Variants in LPP observed in about 807,000 individuals in gnomAD.
The protein encoded by LPP is LIM domain containing preferred translocation partner in lipoma.
A neutral mutation model predicts 60.4 loss-of-function variants in LPP; 38 were observed. The observed-to-expected ratio is 0.63, with a 90% CI of 0.49 to 0.83. LPP has a LOEUF of 0.83. Ranked by LOEUF, LPP falls within the 40% of genes least tolerant of loss-of-function variation. The pLI is 0.00. For missense variants in LPP, 902 were observed against 783.6 expected (o/e 1.15, Z -1.80); for synonymous variants, 328 against 290.8 (o/e 1.13, Z -1.30).
intron 6 of LPP, among the ~76,000 whole-genome samples, chr3:188,580,537 G>A (rs990285032): frequency 1.3e-5 from 2 of 152,246 alleles, no homozygotes; most frequent in Admixed American, 6.5e-5. Context: ...AAAATTCACT[G>A]GTAGTGTTCT....
chr3:188,401,353 C>T (rs1054671361), intron 3 of LPP, among the ~76,000 whole-genome samples: 2 of 152,184 alleles, frequency 1.3e-5, no homozygotes, highest in African/African-American at 4.8e-5. Context: ...TGATCCCTGT[C>T]CTACAGAAAT....
intron 8 of LPP, among the ~76,000 whole-genome samples, chr3:188,752,423 A>G (rs1309394477): frequency 1.3e-5 from 2 of 152,246 alleles, no homozygotes; most frequent in Non-Finnish European, 2.9e-5. Context: ...CAAGAATTGC[A>G]TATCTGATTT....
rs112663126 is a variant in LPP at position 188,773,430 on chromosome 3, C to T, written c.1410+13148C>T. 4.6e-3 allele frequency among the ~76,000 whole-genome samples: 703 copies of T among 151,950 alleles called. 7 individuals carry two copies. Among genetic ancestry groups the T allele is most frequent in the Non-Finnish European group, 6.1e-3 (412 of 67,990 alleles). On this transcript the variant is annotated intron_variant, in intron 9 of 11. Transcript: ENST00000617246. Reference sequence around the variant, plus strand: ...ATAGTATGGGGAAATAAGACAAGAGCGAGGAATGCCTTGCTTGGGATATTG... The same window carrying T: ...ATAGTATGGGGAAATAAGACAAGAGTGAGGAATGCCTTGCTTGGGATATTG...
In LPP at chr3:188,862,726, AATAAATAAAT is replaced by A. The variant is rs1560308349; in HGVS notation, c.1411-3472_1411-3463del. Among the ~76,000 whole-genome samples the A allele has an allele frequency of 9.9e-4, 110 of 110,866 alleles. 7 individuals carry two copies. Among genetic ancestry groups the A allele is most frequent in the African/African-American group, 3.2e-3 (107 of 33,346 alleles). 72.7% of individuals were successfully genotyped at this position (110,866 alleles called of 152,430 possible). On this transcript the variant is annotated intron_variant, in intron 9 of 11. Transcript: ENST00000617246. The stretch of plus-strand genomic sequence containing the variant: ...ACCCTACTAGACAAAAAAATAAATA[AATAAATAAAT>A]AAAAGAAAAAAGAAAAGAAAGAAAG...
Position 188,540,750 on chromosome 3 carries a change from C to T in LPP, c.429+15963C>T, listed in dbSNP as rs372004495. Among the ~76,000 whole-genome samples the T allele has an allele frequency of 3.3e-5, 5 of 152,150 alleles. No homozygotes were observed. The East Asian group carries it at 5.8e-4, about 18-fold the overall frequency. ...CATTAGAAGATCTTATTGTTAGCTG[C>T]GTGCTTATTCTTAAATTGTCTGAGT... is the stretch of plus-strand genomic sequence containing the variant. On this transcript the variant is annotated intron_variant, in intron 6 of 11. Transcript: ENST00000617246.
chr3:188,244,778 G>T (rs1232729714), intron 2 of LPP, among the ~76,000 whole-genome samples: 1 of 152,084 alleles, frequency 6.6e-6, no homozygotes, highest in East Asian at 1.9e-4. Context: ...ACACTGCCTG[G>T]TGTCTACTCA....
intron 8 of LPP, among the ~76,000 whole-genome samples, chr3:188,735,665 T>A (rs1439041056): frequency 6.6e-6 from 1 of 152,172 alleles, no homozygotes; most frequent in Non-Finnish European, 1.5e-5. Context: ...ATTACAGGCA[T>A]GAGCCACTGT....
intron 6 of LPP, among the ~76,000 whole-genome samples, chr3:188,592,557 G>GTTTTT (rs1553936333): frequency 2.3e-5 from 2 of 85,748 alleles, no homozygotes; most frequent in African/African-American, 9.0e-5. Flanking sequence ...TTTTGTTTTT[G>GTTTTT]TTTTTTAAAT....
chr3:188,365,306 T>C (rs981260425), intron 3 of LPP, among the ~76,000 whole-genome samples: 1 of 152,222 alleles, frequency 6.6e-6, no homozygotes, highest in African/African-American at 2.4e-5. Flanking sequence ...TTAAATACTT[T>C]TCCTGTAGAA....
chr3:188,698,545 A>T (rs1393616608), intron 7 of LPP, among the ~76,000 whole-genome samples: 1 of 150,820 alleles, frequency 6.6e-6, no homozygotes, highest in Non-Finnish European at 1.5e-5. Flanking sequence ...GAGGGAAGGA[A>T]CCCTGAAATG....
At chr3:188,813,631 C>A (rs1308013771) in intron 9 of LPP, among the ~76,000 whole-genome samples, 1 of 152,210 alleles carries the variant, frequency 6.6e-6, no homozygotes, top group Admixed American at 6.5e-5. Context: ...GGCTAGATAA[C>A]CCTAAACACT....
At chr3:188,358,738 G>C (rs1319038552) in intron 3 of LPP, among the ~76,000 whole-genome samples, 2 of 152,180 alleles carry the variant, frequency 1.3e-5, no homozygotes, top group Non-Finnish European at 2.9e-5. Context: ...CCTGAGAAGG[G>C]ATCTGAGTGG....
At position 188,883,089 on chromosome 3, in the gene LPP, C is replaced by CAT. The variant is rs10693442; in HGVS notation, c.*8610_*8611insAT. 0.84 allele frequency: 178,696 copies of CAT among 213,596 alleles called. 75,377 individuals carry two copies. The highest frequency in any genetic ancestry group is 0.98 in the East Asian group (14,090 of 14,410). The allele number at this position is 213,596 out of a possible 1,614,324, so 13.2% of individuals were successfully genotyped here. A position where few individuals can be genotyped will look rare whatever the true frequency, so the allele number is the denominator to read the frequency against. On this transcript the variant is annotated 3_prime_UTR_variant, in exon 12 of 12. Coordinates refer to ENST00000617246, the MANE Select transcript of LPP (RefSeq NM_001375462.1). ...TCAGCACATTTTGTTCCAAGCTACACGACTTTAAAACAGAGCCAGCCTTTG... is the reference window on the plus strand; with the variant it reads ...TCAGCACATTTTGTTCCAAGCTACACATGACTTTAAAACAGAGCCAGCCTTTG...
At chr3:188,844,794 T>C (rs977388604) in intron 9 of LPP, among the ~76,000 whole-genome samples, 5 of 152,178 alleles carry the variant, frequency 3.3e-5, no homozygotes, top group Non-Finnish European at 7.3e-5. Flanking sequence ...TTTGGGAAAA[T>C]CACTTAAGCT....
intron 7 of LPP, among the ~76,000 whole-genome samples, chr3:188,624,078 C>T (rs542661387): frequency 6.6e-6 from 1 of 152,172 alleles, no homozygotes; most frequent in Non-Finnish European, 1.5e-5. Flanking sequence ...AGCTAAAGAC[C>T]TCCTTAGCTC....
chr3:188,301,755 G>A (rs1344322013), intron 2 of LPP, among the ~76,000 whole-genome samples: 2 of 152,038 alleles, frequency 1.3e-5, no homozygotes, highest in Admixed American at 6.6e-5. Context: ...CAACCTCAAT[G>A]TCCTGGAGTC....
chr3:188,661,775 A>G (rs980645233), intron 7 of LPP, among the ~76,000 whole-genome samples: 10 of 152,210 alleles, frequency 6.6e-5, no homozygotes, highest in Admixed American at 2.6e-4. Flanking sequence ...TTTGACATGC[A>G]CCCTGCCTCA....
chr3:188,796,027 G>A (rs1369934331), intron 9 of LPP, among the ~76,000 whole-genome samples: 9 of 152,164 alleles, frequency 5.9e-5, no homozygotes, highest in Admixed American at 5.9e-4. Context: ...CACATGTCAG[G>A]CACTGGAAAT....
At chr3:188,170,034 A>G (rs1721093040) in intron 1 of LPP, among the ~76,000 whole-genome samples, 1 of 152,246 alleles carries the variant, frequency 6.6e-6, no homozygotes, top group African/African-American at 2.4e-5. Flanking sequence ...CATCGGGAAC[A>G]GAATAACAGT....
Sources: gnomAD v4.1 joint callset for allele counts (sites outside exome capture counted in the v4.1 genomes callset) on GRCh38, gnomAD v4.1.1 for gene constraint, MANE v1.5 for transcripts, NCBI Gene and HGNC (gene_info 2026-07-23, HGNC 2026-07-21) for gene names.